The following GTF3C5 variants were observed in gnomAD, a reference collection of about 807,000 sequenced individuals.
GTF3C5 encodes general transcription factor IIIC subunit 5.
A neutral mutation model predicts 61.0 loss-of-function variants in GTF3C5; 47 were observed. That is an observed-to-expected ratio of 0.77 (90% confidence interval 0.61 to 0.98). The LOEUF is 0.98. Ranked by LOEUF, GTF3C5 falls within the 50% of genes least tolerant of loss-of-function variation. The pLI, the probability that GTF3C5 is intolerant of heterozygous loss-of-function variation, is 0.00. For synonymous variants in GTF3C5, 295 were observed against 275.4 expected, an observed-to-expected ratio of 1.07 and a Z score of -0.71; for missense variants, 659 against 703.3, an observed-to-expected ratio of 0.94 and a Z score of 0.71.
At position 133,038,623 on chromosome 9, in the gene GTF3C5, G is replaced by T. The variant is rs1318858580; in HGVS notation, c.154-3464G>T. Among the ~76,000 whole-genome samples the T allele has an allele frequency of 9.9e-4, 138 of 139,908 alleles. 1 individual carries two copies. The highest frequency in any genetic ancestry group is 3.2e-3 in the African/African-American group (123 of 38,364). The allele number at this position is 139,908 out of a possible 152,430, so 91.8% of individuals were successfully genotyped here. On this transcript the variant is annotated intron_variant, in intron 1 of 10. Coordinates refer to ENST00000372097, the MANE Select transcript of GTF3C5 (RefSeq NM_012087.4). ...CCACCACCACGCCCGGCTAATTTTT[G>T]TTTTTTTTTTTTTAGTAGAGTTGGG... is the stretch of plus-strand genomic sequence containing the variant.
Position 133,044,146 on chromosome 9 carries a change from C to CAAA in GTF3C5, c.572+241_572+243dup, listed in dbSNP as rs34524914. The CAAA allele has an allele frequency of 6.5e-3, 708 of 108,312 alleles. 3 individuals are homozygous for CAAA. Among genetic ancestry groups the CAAA allele is most frequent in the South Asian group, 0.01 (70 of 6,678 alleles). 6.7% of individuals were successfully genotyped at this position (108,312 alleles called of 1,614,324 possible). A position where few individuals can be genotyped will look rare whatever the true frequency, so the allele number is the denominator to read the frequency against. On this transcript the variant is annotated intron_variant, in intron 3 of 10. Coordinates refer to ENST00000372097, the MANE Select transcript of GTF3C5 (RefSeq NM_012087.4). ...GGTGACAGAGTGAGACTTTGTCTCC[C>CAAA]AAAAAAAAAAAAAAAAAAAAAAAGA...
chr9:133,048,900 T>G (rs1850289012), intron 3 of GTF3C5, among the ~76,000 whole-genome samples: 1 of 152,218 alleles, frequency 6.6e-6, no homozygotes, highest in Admixed American at 6.5e-5. Flanking sequence ...AGGGCTGCTG[T>G]CGATTCTCCT....
chr9:133,050,945 C>T lies in GTF3C5; in HGVS notation c.735C>T (p.Pro245=), dbSNP rs764441757. 2.7e-5 allele frequency: 44 copies of T among 1,611,920 alleles called. No homozygotes were observed. The highest frequency in any genetic ancestry group is 3.5e-5 in the Non-Finnish European group (41 of 1,179,166). ...CGTGGAGGAGAGTCTGCACTAACCC[C>T]GTGGACCGGAAGGTGGAGGAGGAGC... ...AQTWRRVCTN[P]VDRKVEEELR... is the part of the protein sequence containing the mutation. The change falls in exon 4 of 11, where the codon CCC becomes CCT. Residue 245 remains proline (P), a synonymous_variant. Coordinates refer to ENST00000372097, the MANE Select transcript of GTF3C5 (RefSeq NM_012087.4).
At position 133,042,199 on chromosome 9, in the gene GTF3C5, G is replaced by A. The variant is rs184850982; in HGVS notation, c.266G>A (p.Arg89Lys). 1 of 1,614,002 alleles carries A rather than the reference G, an allele frequency of 6.2e-7. No individual in the cohort carries two copies. The highest frequency in any genetic ancestry group is 1.3e-5 in the African/African-American group (1 of 75,052). ...ACCAGCAGCCTGCTGCTCCGCATCAGGAAGAGAACGAGGCGGCAGAAAGGG... is the reference window on the plus strand; with the variant it reads ...ACCAGCAGCCTGCTGCTCCGCATCAAGAAGAGAACGAGGCGGCAGAAAGGG... Reference protein sequence around the residue: ...FSTSSLLLRIRKRTRRQKGVL... With the variant: ...FSTSSLLLRIKKRTRRQKGVL... The change falls in exon 2 of 11, where the codon AGG becomes AAG. Residue 89 changes from arginine (R) to lysine (K), a missense_variant. Coordinates refer to ENST00000372097, the MANE Select transcript of GTF3C5 (RefSeq NM_012087.4).
At chr9:133,055,515 C>T (rs1829911084) in intron 8 of GTF3C5, 2 of 1,197,288 alleles carry the variant, frequency 1.7e-6, no homozygotes. Flanking sequence ...TTCTCGAGGC[C>T]TCTCCTAGGA....
intron 3 of GTF3C5, among the ~76,000 whole-genome samples, chr9:133,047,192 C>T (rs769862149): frequency 1.3e-5 from 2 of 152,092 alleles, no homozygotes; most frequent in Non-Finnish European, 2.9e-5. Flanking sequence ...TAATAGCACT[C>T]CCCAACATCA....
chr9:133,041,459 C>T (rs1012985227), intron 1 of GTF3C5, among the ~76,000 whole-genome samples: 2 of 150,982 alleles, frequency 1.3e-5, no homozygotes, highest in Non-Finnish European at 3.0e-5. Flanking sequence ...TAAGCTGTCT[C>T]TCTCTCTCCC....
chr9:133,056,757 C>A lies in GTF3C5; in HGVS notation c.1251-9C>A, dbSNP rs1447077981. 1 of 1,589,494 alleles carries A rather than the reference C, an allele frequency of 6.3e-7. No individual in the cohort carries two copies. On this transcript the variant is annotated splice_polypyrimidine_tract_variant and intron_variant, in intron 9 of 10. Coordinates refer to ENST00000372097, the MANE Select transcript of GTF3C5 (RefSeq NM_012087.4). ...GGACTTTATGTCCCAACCCTCTCCC[C>A]ACCCCCAGGTTGCAGAAGATCATTC...
intron 1 of GTF3C5, among the ~76,000 whole-genome samples, chr9:133,040,190 A>G (rs73662414): frequency 0.016 from 2,442 of 152,230 alleles, 85 homozygotes; most frequent in African/African-American, 0.057. Context: ...GTTTGGGTTC[A>G]TTCCCGCCCC....
At chr9:133,055,832 G>A (rs1829921806) in intron 8 of GTF3C5, 180 bp from the exon 9 acceptor site, 12 of 1,412,394 alleles carry the variant, frequency 8.5e-6, no homozygotes, top group South Asian at 1.5e-5. Context: ...GCCTCCTGGG[G>A]AGTTGGACAT....
At chr9:133,041,238 ACT>A (rs1364667689) in intron 1 of GTF3C5, among the ~76,000 whole-genome samples, 1 of 151,760 alleles carries the variant, frequency 6.6e-6, no homozygotes, top group Non-Finnish European at 1.5e-5. Flanking sequence ...TTTGGAGAAG[ACT>A]CTACTCCTCC....
intron 8 of GTF3C5, chr9:133,055,753 G>A: frequency 7.5e-7 from 1 of 1,326,160 alleles, no homozygotes; most frequent in Non-Finnish European, 9.7e-7. Context: ...GCCATGGCCT[G>A]CTGCACGGGC....
chr9:133,055,694 CAG>C (rs1364819143), intron 8 of GTF3C5: 5 of 985,314 alleles, frequency 5.1e-6, no homozygotes, highest in Admixed American at 6.1e-5. Context: ...CAGGAGGGCA[CAG>C]AGAGCAGAGC....
chr9:133,030,836 G>A, upstream of GTF3C5: 3 of 733,472 alleles, frequency 4.1e-6, no homozygotes, highest in Non-Finnish European at 7.3e-6. Flanking sequence ...GAAGACATGG[G>A]CCCTCCCATG....
intron 4 of GTF3C5, 63 bp downstream of exon 4, chr9:133,051,041 C>T (rs1850357603): frequency 6.4e-6 from 8 of 1,259,528 alleles, no homozygotes. Flanking sequence ...CCCGTGTTTA[C>T]CCAGCTGCTC....
intron 8 of GTF3C5, chr9:133,055,089 G>C (rs929452600): frequency 6.5e-7 from 1 of 1,550,214 alleles, no homozygotes; most frequent in African/African-American, 1.4e-5. Context: ...CGAGCCCTTT[G>C]GGAGCCTGGG....
At chr9:133,042,042 T>G in intron 1 of GTF3C5, 45 bp from the exon 2 acceptor site, 1 of 1,407,120 alleles carries the variant, frequency 7.1e-7, no homozygotes, top group Non-Finnish European at 1.0e-6. Flanking sequence ...CACTGGCTGC[T>G]TGGCTTGTCA....
At chr9:133,037,088 G>A (rs1198563627) in intron 1 of GTF3C5, among the ~76,000 whole-genome samples, 2 of 152,136 alleles carry the variant, frequency 1.3e-5, no homozygotes, top group Non-Finnish European at 2.9e-5. Flanking sequence ...GGTTAGAGGA[G>A]TCTGTGAAGT....
At chr9:133,050,296 C>T (rs973695220) in intron 3 of GTF3C5, among the ~76,000 whole-genome samples, 1 of 152,200 alleles carries the variant, frequency 6.6e-6, no homozygotes, top group African/African-American at 2.4e-5. Flanking sequence ...ATAAGTGAAT[C>T]GCATGTAAGC....
Sources: gnomAD v4.1 joint callset for allele counts (sites outside exome capture counted in the v4.1 genomes callset) on GRCh38, gnomAD v4.1.1 for gene constraint, MANE v1.5 for transcripts, NCBI Gene and HGNC (gene_info 2026-07-23, HGNC 2026-07-21) for gene names.